Variants in GALNS observed in about 807,000 individuals in gnomAD.
GALNS encodes galactosamine (N-acetyl)-6-sulfatase.
Under a neutral mutation model 65.9 loss-of-function variants are expected in GALNS, and 65 were observed. That is an observed-to-expected ratio of 0.99 (90% confidence interval 0.81 to 1.21). The LOEUF is 1.21. Ranked by LOEUF, GALNS falls within the 50% of genes most tolerant of loss-of-function variation. GALNS has a pLI of 0.00. For synonymous variants in GALNS, 346 were observed against 288.9 expected (o/e 1.20, Z -2.00); for missense variants, 776 against 700.7 (o/e 1.11, Z -1.21).
intron 4 of GALNS, 195 bp from the exon 5 acceptor site, chr16:88,837,960 T>G: frequency 1.7e-6 from 1 of 596,814 alleles, no homozygotes. Context: ...ACTGCCCGCC[T>G]ACCCTGCAGA....
intron 9 of GALNS, chr16:88,827,096 T>G (rs117066165): frequency 1.0e-5 from 6 of 580,126 alleles, no homozygotes; most frequent in South Asian, 6.0e-5. Flanking sequence ...GTGGATCAGA[T>G]GAAAGGAGAA....
chr16:88,817,621 C>A (rs1909764710), intron 13 of GALNS, among the ~76,000 whole-genome samples: 2 of 152,208 alleles, frequency 1.3e-5, no homozygotes, highest in African/African-American at 4.8e-5. Context: ...AGGGCCCCTG[C>A]AAGGAGAAGC....
chr16:88,856,172 G>C, intron 1 of GALNS: 1 of 702,956 alleles, frequency 1.4e-6, no homozygotes, highest in Non-Finnish European at 2.6e-6. Context: ...AGACATTCCA[G>C]CCTTTCAGTT....
chr16:88,819,331 G>A (rs1027572561), intron 12 of GALNS, among the ~76,000 whole-genome samples: 3 of 152,230 alleles, frequency 2.0e-5, no homozygotes, highest in African/African-American at 7.2e-5. Context: ...CCGCGGAGAT[G>A]CCTGTCCTGG....
chr16:88,850,632 C>T (rs59771877), intron 1 of GALNS, among the ~76,000 whole-genome samples: 64 of 152,224 alleles, frequency 4.2e-4, no homozygotes, highest in African/African-American at 1.4e-3. Context: ...TGACTTACAA[C>T]GGGGAGGGCA....
rs746924355 is a variant in GALNS, at chr16:88,835,343, G to T, written c.768C>A (p.Asp256Glu). ...TGCTGTCATCAATCTCCCGGACGGC[G>T]TCTCCATACCTGCAGGATGGTGACA... ...LGTSQRGRYG[D>E]AVREIDDSIG... The change falls in exon 8 of 14, where the codon GAC becomes GAA. Residue 256 changes from aspartate (D) to glutamate (E), a missense_variant. By Grantham distance (45) the Asp-to-Glu change is conservative. Transcript: ENST00000268695. 6.2e-7 allele frequency: 1 copy of T among 1,613,688 alleles called. No homozygotes were observed. Among genetic ancestry groups the T allele is most frequent in the South Asian group, 1.1e-5 (1 of 90,892 alleles).
At chr16:88,820,496 C>A (rs1006971044) in intron 12 of GALNS, among the ~76,000 whole-genome samples, 1 of 152,232 alleles carries the variant, frequency 6.6e-6, no homozygotes, top group Non-Finnish European at 1.5e-5. Context: ...AAGCAGCCCA[C>A]GGTGAATCAG....
At chr16:88,826,142 G>A (rs987817645) in intron 10 of GALNS, among the ~76,000 whole-genome samples, 8 of 151,382 alleles carry the variant, frequency 5.3e-5, no homozygotes, top group Non-Finnish European at 1.2e-4. Context: ...AACAGGGGTG[G>A]GGCAGACAGG....
rs540812659 is a variant in GALNS at position 88,855,805 on chromosome 16, C to T, written c.120+953G>A. Reference sequence around the variant, plus strand: ...GGCCCGTGGCCCCCACTGGTCAGCACAGGTGGGTCTGAAGGCACCTGTCAG... The same window carrying T: ...GGCCCGTGGCCCCCACTGGTCAGCATAGGTGGGTCTGAAGGCACCTGTCAG... On this transcript the variant is annotated intron_variant, in intron 1 of 13. Coordinates refer to ENST00000268695, the MANE Select transcript of GALNS (RefSeq NM_000512.5). The T allele has an allele frequency of 3.0e-4, 155 of 519,914 alleles. No homozygotes were observed. The East Asian group carries it at 5.2e-3, about 17-fold the overall frequency. The allele number at this position is 519,914 out of a possible 1,614,324, so 32.2% of individuals were successfully genotyped here.
chr16:88,831,269 G>A (rs62050160), intron 9 of GALNS, among the ~76,000 whole-genome samples: 1 of 135,290 alleles, frequency 7.4e-6, no homozygotes, highest in Non-Finnish European at 1.6e-5. Context: ...CGAGCACGGG[G>A]TGCGTGGGGA....
intron 5 of GALNS, among the ~76,000 whole-genome samples, chr16:88,836,821 G>A (rs923283601): frequency 2.6e-5 from 4 of 152,144 alleles, no homozygotes; most frequent in African/African-American, 9.7e-5. Context: ...GGGGCTGAGG[G>A]CACGACACCA....
chr16:88,817,554 G>A lies in GALNS; in HGVS notation c.1482+453C>T, dbSNP rs968602103. 13 of 981,622 alleles carry A rather than the reference G, an allele frequency of 1.3e-5. 1 individual carries two copies. The South Asian group carries it at 1.4e-4, about 11-fold the overall frequency. 60.8% of individuals were successfully genotyped at this position (981,622 alleles called of 1,614,324 possible). ...CCCACCAGCCCACCCGGGACCCACC[G>A]GGCAGTGCCGTTCCTGCCTCGGTGC... On this transcript the variant is annotated intron_variant, in intron 13 of 13. Coordinates refer to ENST00000268695, the MANE Select transcript of GALNS (RefSeq NM_000512.5).
chr16:88,838,305 G>C (rs894089552), intron 4 of GALNS, among the ~76,000 whole-genome samples: 1 of 152,272 alleles, frequency 6.6e-6, no homozygotes, highest in African/African-American at 2.4e-5. Flanking sequence ...GTTGTGTGCC[G>C]TGCGGGAGCC....
intron 10 of GALNS, among the ~76,000 whole-genome samples, chr16:88,825,091 ACTGGGTATCTGGG>A (rs1597542129): frequency 5.4e-4 from 47 of 86,606 alleles, no homozygotes; most frequent in African/African-American, 1.6e-3. Context: ...GGCTGGGGTG[ACTGGGTATCTGGG>A]GCGCCTGGGT....
intron 10 of GALNS, 89 bp from the exon 11 acceptor site, chr16:88,824,958 C>T: frequency 1.0e-6 from 1 of 991,864 alleles, no homozygotes; most frequent in South Asian, 1.3e-5. Flanking sequence ...TCATCAGTGG[C>T]TCATGCCTCC....
intron 1 of GALNS, chr16:88,855,216 C>T (rs1034131090): frequency 3.2e-5 from 22 of 695,644 alleles, no homozygotes; most frequent in Non-Finnish European, 4.5e-5. Context: ...TCATGAGCTG[C>T]CCCGCCTCAC....
intron 1 of GALNS, among the ~76,000 whole-genome samples, chr16:88,853,362 A>T (rs1967598409): frequency 6.6e-6 from 1 of 151,980 alleles, no homozygotes; most frequent in African/African-American, 2.4e-5. Flanking sequence ...TCAGAGTTTT[A>T]AGAAACGCAG....
rs895056899 is a variant in GALNS, at chr16:88,816,385, C to T, written c.1482+1622G>A. 182 of 985,410 alleles carry T rather than the reference C, an allele frequency of 1.8e-4. 1 individual carries two copies. In the African/African-American group the frequency reaches 2.8e-3, roughly 15 times the overall value. 61.0% of individuals were successfully genotyped at this position (985,410 alleles called of 1,614,324 possible). A position where few individuals can be genotyped will look rare whatever the true frequency, so the allele number is the denominator to read the frequency against. ...GCTGGTGGCCCTGGGCTCCTGGGGC[C>T]CCGAGACTCAGGGGTCCTGAGACAG... On this transcript the variant is annotated intron_variant, in intron 13 of 13. Transcript: ENST00000268695.
chr16:88,856,060 C>T lies in GALNS; in HGVS notation c.120+698G>A, dbSNP rs1597610813. The T allele has an allele frequency of 4.6e-6, 3 of 653,482 alleles. No individual in the cohort carries two copies. In the East Asian group the frequency reaches 8.2e-5, roughly 18 times the overall value. The allele number at this position is 653,482 out of a possible 1,614,324, so 40.5% of individuals were successfully genotyped here. ...GGGTCCTGCACGGTGACCCATGCCC[C>T]AGGCAGGCTCATTCCTGAGTCTCCA... On this transcript the variant is annotated intron_variant, in intron 1 of 13. Transcript: ENST00000268695.
Sources: gnomAD v4.1 joint callset for allele counts (sites outside exome capture counted in the v4.1 genomes callset) on GRCh38, gnomAD v4.1.1 for gene constraint, MANE v1.5 for transcripts, NCBI Gene and HGNC (gene_info 2026-07-23, HGNC 2026-07-21) for gene names.